Variants in PTPN2 observed in about 807,000 individuals in gnomAD.
The protein encoded by PTPN2 is protein tyrosine phosphatase non-receptor type 2, also known as tyrosine-protein phosphatase non-receptor type 2.
In PTPN2, 19 loss-of-function variants were observed where a neutral mutation model predicts 57.3. That is an observed-to-expected ratio of 0.33 (90% CI 0.23 to 0.49). The LOEUF (loss-of-function observed/expected upper bound fraction) is 0.49, where lower values mean the gene tolerates loss of function less well. PTPN2 is among the 20% of genes least tolerant of loss of function. PTPN2 has a pLI of 0.99. For synonymous variants in PTPN2, 153 were observed against 164.9 expected (o/e 0.93, Z 0.55); for missense variants, 358 against 501.1 (o/e 0.71, Z 2.73).
intron 3 of PTPN2, among the ~76,000 whole-genome samples, chr18:12,836,082 T>A (rs1328226876): frequency 6.6e-6 from 1 of 152,264 alleles, no homozygotes; most frequent in Non-Finnish European, 1.5e-5. Flanking sequence ...TTCAAAAATC[T>A]CAAATATTAT....
intron 2 of PTPN2, among the ~76,000 whole-genome samples, chr18:12,848,245 A>G (rs562376627): frequency 7.7e-4 from 117 of 152,346 alleles, no homozygotes; most frequent in South Asian, 1.4e-3. Flanking sequence ...CTATCATCTT[A>G]TAATTCTAAG....
intron 2 of PTPN2, among the ~76,000 whole-genome samples, chr18:12,840,213 G>A (rs191183543): frequency 3.3e-5 from 5 of 152,250 alleles, no homozygotes; most frequent in Admixed American, 1.3e-4. Context: ...TAATCAGTAC[G>A]TTTTCAAACA....
Position 12,870,262 on chromosome 18 carries a change from TATATATATATGTATATATATACATATAC to T in PTPN2, c.70-11036_70-11009del, listed in dbSNP as rs2044143173. Among the ~76,000 whole-genome samples the T allele has an allele frequency of 2.8e-5, 3 of 105,916 alleles. 1 individual carries two copies. Among genetic ancestry groups the T allele is most frequent in the African/African-American group, 1.5e-4 (3 of 19,880 alleles). The allele number at this position is 105,916 out of a possible 152,430, so 69.5% of individuals were successfully genotyped here. A position where few individuals can be genotyped will look rare whatever the true frequency, so the allele number is the denominator to read the frequency against. On this transcript the variant is annotated intron_variant, in intron 1 of 8. Transcript: ENST00000309660. ...GAATCCAGTACTTAACTTTAGCATA[TATATATATATGTATATATATACATATAC>T]ATATATATGTGTATATATACATATA...
At chr18:12,818,759 A>G (rs1379521547) in intron 5 of PTPN2, among the ~76,000 whole-genome samples, 6 of 152,102 alleles carry the variant, frequency 3.9e-5, no homozygotes, top group Non-Finnish European at 8.8e-5. Context: ...CCTGCTCCCA[A>G]TAAAAATTTT....
chr18:12,841,447 C>T (rs1325650809), intron 2 of PTPN2, among the ~76,000 whole-genome samples: 2 of 152,202 alleles, frequency 1.3e-5, no homozygotes, highest in African/African-American at 4.8e-5. Flanking sequence ...AAGAAGAAGG[C>T]AACTTCATAC....
chr18:12,858,990 T>C (rs2043694357), intron 2 of PTPN2, among the ~76,000 whole-genome samples, 174 bp downstream of exon 2: 1 of 152,204 alleles, frequency 6.6e-6, no homozygotes, highest in African/African-American at 2.4e-5. Flanking sequence ...TTATGGGTAA[T>C]TATTTTTCCT....
chr18:12,864,419 CAG>C lies in PTPN2; in HGVS notation c.70-5167_70-5166del, dbSNP rs575760195. Among the ~76,000 whole-genome samples the C allele has an allele frequency of 1.9e-3, 281 of 150,692 alleles. 1 individual carries two copies. The highest frequency in any genetic ancestry group is 3.4e-3 in the Non-Finnish European group (227 of 67,756). On this transcript the variant is annotated intron_variant, in intron 1 of 8. Transcript: ENST00000309660. ...CTACTTTCCTTTTTTTTTTTTGAGACAGAGTCTTGCTCTGTTGCCAGGCTAGG... is the reference window on the plus strand; with the variant it reads ...CTACTTTCCTTTTTTTTTTTTGAGACAGTCTTGCTCTGTTGCCAGGCTAGG...
At chr18:12,785,567 A>G (rs370275454) in exon 10 of PTPN2, 29 of 542,608 alleles carry the variant, frequency 5.3e-5, no homozygotes, top group Admixed American at 3.7e-4. Flanking sequence ...CCCCTAATTT[A>G]TTTCTTGTAC....
downstream of PTPN2, among the ~76,000 whole-genome samples, chr18:12,788,675 G>A (rs116349347): frequency 5.3e-4 from 81 of 152,054 alleles, no homozygotes; most frequent in African/African-American, 1.8e-3. Flanking sequence ...CCTTACAGTC[G>A]GCGATGGCTT....
At chr18:12,794,983 C>G (rs2041117184) in intron 8 of PTPN2, among the ~76,000 whole-genome samples, 1 of 152,140 alleles carries the variant, frequency 6.6e-6, no homozygotes, top group African/African-American at 2.4e-5. Flanking sequence ...ATTCCTGGTA[C>G]AGTTTTATAT....
intron 1 of PTPN2, among the ~76,000 whole-genome samples, chr18:12,874,463 C>T (rs2044402903): frequency 7.1e-6 from 1 of 141,436 alleles, no homozygotes; most frequent in Admixed American, 6.9e-5. Context: ...AGGGGCGCCT[C>T]TGCCCGGCCG....
At chr18:12,848,199 G>T (rs555435318) in intron 2 of PTPN2, among the ~76,000 whole-genome samples, 1 of 152,260 alleles carries the variant, frequency 6.6e-6, no homozygotes, top group East Asian at 1.9e-4. Context: ...GCACTTTCTG[G>T]TAAGTTTAAA....
rs550432768 is a variant in PTPN2, at chr18:12,816,655, G to A, written c.705+501C>T. Among the ~76,000 whole-genome samples the A allele has an allele frequency of 3.9e-5, 6 of 152,282 alleles. No homozygotes were observed. In the East Asian group the frequency reaches 1.2e-3, roughly 29 times the overall value. On this transcript the variant is annotated intron_variant, in intron 6 of 8. Transcript: ENST00000309660. ...GAATTAGCCGTTGGGGGCACAGACA[G>A]GAACCTCAGGGGAGTAACAGTAATA...
chr18:12,883,056 T>C (rs1396006698), intron 1 of PTPN2, among the ~76,000 whole-genome samples: 1 of 152,226 alleles, frequency 6.6e-6, no homozygotes, highest in Non-Finnish European at 1.5e-5. Context: ...TTATACTACA[T>C]ATTGCATCTA....
intron 8 of PTPN2, among the ~76,000 whole-genome samples, chr18:12,800,081 A>G (rs150996692): frequency 3.3e-5 from 5 of 152,294 alleles, no homozygotes; most frequent in African/African-American, 1.2e-4. Flanking sequence ...AAACACCGCC[A>G]CCACATGCGA....
At chr18:12,883,981 AGAGGCGGGGGAGGCGG>A in intron 1 of PTPN2, 76 bp downstream of exon 1, 2 of 1,165,412 alleles carry the variant, frequency 1.7e-6, no homozygotes, top group East Asian at 2.9e-5. Context: ...GCTAGAGGCG[AGAGGCGGGGGAGGCGG>A]GAGGGACCCT....
chr18:12,879,760 G>A (rs752025961), intron 1 of PTPN2, among the ~76,000 whole-genome samples: 1 of 152,182 alleles, frequency 6.6e-6, no homozygotes, highest in Non-Finnish European at 1.5e-5. Context: ...AAGGTATCAA[G>A]TTCTCCTACC....
intron 1 of PTPN2, among the ~76,000 whole-genome samples, chr18:12,883,093 C>A (rs1376473145): frequency 6.6e-6 from 1 of 152,152 alleles, no homozygotes; most frequent in Non-Finnish European, 1.5e-5. Context: ...ACGATTAGGG[C>A]GATAGGCATC....
intron 2 of PTPN2, among the ~76,000 whole-genome samples, chr18:12,850,402 T>C (rs1293203414): frequency 6.6e-6 from 1 of 151,552 alleles, no homozygotes; most frequent in Non-Finnish European, 1.5e-5. Flanking sequence ...GGCAGGAGAA[T>C]TGCTTGAACT....
Sources: allele counts gnomAD v4.1 joint callset (sites outside exome capture counted in the v4.1 genomes callset), GRCh38; gene constraint gnomAD v4.1.1; transcripts MANE v1.5; gene names NCBI Gene and HGNC (gene_info 2026-07-23, HGNC 2026-07-21).